The following POGZ variants were observed in gnomAD, a reference collection of about 807,000 sequenced individuals.
POGZ encodes the protein pogo transposable element derived with ZNF domain, also known as pogo transposable element with ZNF domain.
A neutral mutation model predicts 134.6 loss-of-function variants in POGZ; 17 were observed. That is an observed-to-expected ratio of 0.13 (90% CI 0.09 to 0.19). The LOEUF (loss-of-function observed/expected upper bound fraction) is 0.19, where lower values mean the gene tolerates loss of function less well. Ranked by LOEUF, POGZ falls within the 10% of genes least tolerant of loss-of-function variation. The probability of loss-of-function intolerance (pLI) is 1.00; values close to 1 mark genes in which losing one functional copy is unlikely to be tolerated. For missense variants in POGZ, 1,306 were observed against 1,769.7 expected (o/e 0.74, Z 4.70); for synonymous variants, 693 against 657.1 (o/e 1.05, Z -0.84).
intron 3 of POGZ, among the ~76,000 whole-genome samples, chr1:151,440,435 A>T (rs994253244): frequency 6.6e-5 from 10 of 152,132 alleles, no homozygotes; most frequent in Admixed American, 2.0e-4. Context: ...TTCTATTAAA[A>T]AAAATAAAAT....
At chr1:151,451,720 C>T (rs1339986107) in intron 1 of POGZ, among the ~76,000 whole-genome samples, 1 of 151,830 alleles carries the variant, frequency 6.6e-6, no homozygotes, top group Non-Finnish European at 1.5e-5. Context: ...TGAGATAAAT[C>T]CAGAAGGTGG....
At chr1:151,411,828 T>C in intron 11 of POGZ, 57 bp from the exon 12 acceptor site, 1 of 1,444,938 alleles carries the variant, frequency 6.9e-7, no homozygotes, top group South Asian at 1.5e-5. Flanking sequence ...CTGAGAGGCC[T>C]TAAAAAAAAA....
chr1:151,406,326 G>A lies in POGZ; in HGVS notation c.2709C>T (p.Pro903=). The change falls in exon 19 of 19, where the codon CCC becomes CCT. Residue 903 remains proline (P), a synonymous_variant. Transcript: ENST00000271715. ...CTGGTGATGGGAGTGCTGGGGCTAA[G>A]GGAGTTAGTAGCTCTTCAGGCTCAG... ...TPAEPEELLT[P]LAPALPSPAS... is the part of the protein sequence containing the mutation. The A allele has an allele frequency of 3.1e-6, 5 of 1,608,984 alleles. No homozygotes were observed. Among genetic ancestry groups the A allele is most frequent in the Non-Finnish European group, 2.5e-6 (3 of 1,177,408 alleles).
Position 151,430,694 on chromosome 1 carries a change from G to A in POGZ, c.431C>T (p.Ala144Val). The change falls in exon 4 of 19, where the codon GCC (alanine) becomes GTC (valine). Residue 144 changes from alanine (A) to valine (V), a missense_variant. Ala to Val is a moderately conservative substitution (Grantham distance 64). Around this residue, in one of 10 missense-constraint regions of POGZ, gnomAD observed 541 missense variants for 680.5 expected, o/e 0.80. Coordinates refer to ENST00000271715, the MANE Select transcript of POGZ (RefSeq NM_015100.4). ...CGTAGTGATAAATATTGGTTGTGAG[G>A]CCACAGGGGAACTAGTCACATGATT... ...NANHVTSSPV[A>V]SQPIFITTQG... The A allele has an allele frequency of 1.9e-6, 3 of 1,609,198 alleles. No individual in the cohort carries two copies. Among genetic ancestry groups the A allele is most frequent in the Non-Finnish European group, 2.5e-6 (3 of 1,177,800 alleles).
intron 13 of POGZ, 47 bp downstream of exon 13, chr1:151,408,647 T>G (rs1654096906): frequency 6.2e-7 from 1 of 1,604,876 alleles, no homozygotes; most frequent in Admixed American, 1.8e-5. Context: ...TGAAAATCTC[T>G]ATTCCTCCCT....
At chr1:151,437,985 A>G (rs1258231017) in intron 3 of POGZ, among the ~76,000 whole-genome samples, 4 of 150,980 alleles carry the variant, frequency 2.6e-5, no homozygotes, top group Non-Finnish European at 5.9e-5. Flanking sequence ...GAGGTGGGCA[A>G]ATCACCTGAG....
intron 10 of POGZ, among the ~76,000 whole-genome samples, chr1:151,412,817 C>A (rs1249245435): frequency 6.6e-6 from 1 of 152,096 alleles, no homozygotes; most frequent in Admixed American, 6.6e-5. Context: ...CTTCTCTATA[C>A]TTATAATAAG....
intron 4 of POGZ, 46 bp downstream of exon 4, chr1:151,430,620 A>G: frequency 3.4e-6 from 5 of 1,462,424 alleles, no homozygotes; most frequent in African/African-American, 1.4e-5. Flanking sequence ...AGAGGTTTAT[A>G]GTCTTTCTCT....
At position 151,408,589 on chromosome 1, in the gene POGZ, C is replaced by T. The variant is rs1374881976; in HGVS notation, c.2062-8G>A. 6.2e-7 allele frequency: 1 copy of T among 1,610,270 alleles called. No homozygotes were observed. Among genetic ancestry groups the T allele is most frequent in the Non-Finnish European group, 8.5e-7 (1 of 1,179,120 alleles). ...GGAAGCCCGGATTGTCACCTGAGAA[C>T]CAAGGGAAGTAACAATGAGACATCA... On this transcript the variant is annotated splice_region_variant and splice_polypyrimidine_tract_variant and intron_variant, in intron 13 of 18. Coordinates refer to ENST00000271715, the MANE Select transcript of POGZ (RefSeq NM_015100.4).
chr1:151,446,473 C>T (rs759652344), intron 1 of POGZ, among the ~76,000 whole-genome samples: 1 of 151,876 alleles, frequency 6.6e-6, no homozygotes, highest in African/African-American at 2.4e-5. Context: ...AAGAGGAAAA[C>T]GGCCGGGCGC....
chr1:151,403,232 G>A lies in POGZ; in HGVS notation c.*1570C>T. The A allele has an allele frequency of 1.0e-6, 1 of 985,744 alleles. No individual in the cohort carries two copies. Among genetic ancestry groups the A allele is most frequent in the Non-Finnish European group, 1.2e-6 (1 of 829,908 alleles). 61.1% of individuals were successfully genotyped at this position (985,744 alleles called of 1,614,324 possible). ...AACAAACAAACAAAAAAGCAGGGTG[G>A]GGTGGGAGAAATGGGTGGTAACAAA... On this transcript the variant is annotated 3_prime_UTR_variant, in exon 19 of 19. Coordinates refer to ENST00000271715, the MANE Select transcript of POGZ (RefSeq NM_015100.4).
At chr1:151,419,813 G>A (rs979137310) in intron 10 of POGZ, among the ~76,000 whole-genome samples, 6 of 151,320 alleles carry the variant, frequency 4.0e-5, no homozygotes, top group African/African-American at 1.5e-4. Context: ...CTTGTCATAA[G>A]AGACTCAAAA....
Position 151,428,133 on chromosome 1 carries a change from A to G in POGZ, c.849T>C (p.Asn283=), listed in dbSNP as rs945021127. 1 of 1,613,952 alleles carries G rather than the reference A, an allele frequency of 6.2e-7. No individual in the cohort carries two copies. Among genetic ancestry groups the G allele is most frequent in the East Asian group, 2.2e-5 (1 of 44,872 alleles). Reference sequence around the variant, plus strand: ...CTTCCGAAGCCTTACCTAGCTTGGGATTCGTGGTCTGGTTTGACTGGCCTG... The same window carrying G: ...CTTCCGAAGCCTTACCTAGCTTGGGGTTCGTGGTCTGGTTTGACTGGCCTG... ...QSPGQSNQTT[N]PKLAPSFPSP... is the part of the protein sequence containing the mutation. Residue 283 remains asparagine, a synonymous_variant, in exon 6 of 19, where the codon AAT becomes AAC. Transcript: ENST00000271715.
chr1:151,424,362 T>C (rs1159230436), intron 8 of POGZ, 76 bp from the exon 9 acceptor site: 1 of 907,750 alleles, frequency 1.1e-6, no homozygotes, highest in Non-Finnish European at 1.7e-6. Flanking sequence ...TCACTACCAT[T>C]CCTTGTTAAC....
chr1:151,446,254 G>GA (rs142998370), intron 1 of POGZ, among the ~76,000 whole-genome samples: 1,435 of 39,086 alleles, frequency 0.037, 39 homozygotes, highest in African/African-American at 0.055. Flanking sequence ...TTCTCATAAG[G>GA]AAAAAAAAAA....
At chr1:151,435,099 C>G (rs982014142) in intron 3 of POGZ, among the ~76,000 whole-genome samples, 2 of 152,104 alleles carry the variant, frequency 1.3e-5, no homozygotes, top group East Asian at 1.9e-4. Flanking sequence ...CAGGGTTTCA[C>G]TATTTGGCCA....
At chr1:151,453,836 A>G (rs755187030) in intron 1 of POGZ, among the ~76,000 whole-genome samples, 5 of 152,220 alleles carry the variant, frequency 3.3e-5, no homozygotes, top group Non-Finnish European at 7.3e-5. Context: ...CTAGTCAATA[A>G]AAGTCTATAT....
At chr1:151,445,374 T>C (rs1408393271) in intron 1 of POGZ, among the ~76,000 whole-genome samples, 1 of 151,684 alleles carries the variant, frequency 6.6e-6, no homozygotes, top group Non-Finnish European at 1.5e-5. Context: ...ATACAAAAAT[T>C]AGCCGGACAT....
chr1:151,418,074 G>A (rs1656100237), intron 10 of POGZ, among the ~76,000 whole-genome samples: 1 of 151,994 alleles, frequency 6.6e-6, no homozygotes, highest in South Asian at 2.1e-4. Flanking sequence ...AAATTAGCCG[G>A]GCGTGGTGGC....
Sources: allele counts gnomAD v4.1 joint callset (sites outside exome capture counted in the v4.1 genomes callset), GRCh38; gene constraint gnomAD v4.1.1; regional missense constraint gnomAD v4.1.1; transcripts MANE v1.5; gene names NCBI Gene and HGNC (gene_info 2026-07-23, HGNC 2026-07-21).